PDE4DIP: variants seen among roughly 807,000 people sequenced by gnomAD.
The protein encoded by PDE4DIP is myomegalin.
Under a neutral mutation model 221.4 loss-of-function variants are expected in PDE4DIP, and 59 were observed. That is an observed-to-expected ratio of 0.27 (90% CI 0.22 to 0.33). PDE4DIP has a LOEUF of 0.33. Among genes scored for constraint, PDE4DIP ranks in the 10% least tolerant of loss-of-function variants. The pLI is 1.00. For synonymous variants in PDE4DIP, 404 were observed against 815.9 expected (o/e 0.50, Z 8.60); for missense variants, 1,036 against 2,154.2 (o/e 0.48, Z 10.28).
chr1:148,879,384 CTT>C (rs1238703992), intron 3 of PDE4DIP, among the ~76,000 whole-genome samples: 1 of 62,046 alleles, frequency 1.6e-5, no homozygotes, highest in East Asian at 3.4e-4. Flanking sequence ...CACTGGCAAA[CTT>C]TGTATTTTTT....
At chr1:148,948,861 T>C (rs2052455386) in intron 5 of PDE4DIP, among the ~76,000 whole-genome samples, 1 of 152,104 alleles carries the variant, frequency 6.6e-6, no homozygotes, top group Non-Finnish European at 1.5e-5. Flanking sequence ...GTTCAACCAC[T>C]TCCTGACTTA....
intron 19 of PDE4DIP, among the ~76,000 whole-genome samples, chr1:148,979,477 T>C (rs1257409297): frequency 3.9e-5 from 6 of 152,244 alleles, no homozygotes; most frequent in Non-Finnish European, 7.3e-5. Flanking sequence ...TACTCCTTTT[T>C]CTTAGCTGCT....
chr1:148,988,248 T>G (rs1378202484), intron 21 of PDE4DIP, among the ~76,000 whole-genome samples: 1 of 151,332 alleles, frequency 6.6e-6, no homozygotes, highest in Non-Finnish European at 1.5e-5. Context: ...AGTCTTCAAC[T>G]TATAAGCCCA....
intron 5 of PDE4DIP, among the ~76,000 whole-genome samples, chr1:148,940,567 C>T (rs1425595417): frequency 6.6e-6 from 1 of 151,598 alleles, no homozygotes; most frequent in African/African-American, 2.4e-5. Flanking sequence ...GAGGCAATTG[C>T]TTATGGCCAC....
intron 5 of PDE4DIP, among the ~76,000 whole-genome samples, chr1:148,940,462 G>A (rs2050270843): frequency 6.6e-6 from 1 of 151,874 alleles, no homozygotes; most frequent in South Asian, 2.1e-4. Flanking sequence ...ATAAGACAAT[G>A]TTTCCTACCC....
exon 12 of PDE4DIP, chr1:148,966,941 C>T (rs199736417): frequency 1.7e-5 from 28 of 1,612,206 alleles, no homozygotes; most frequent in Admixed American, 5.0e-5. Flanking sequence ...AGAGAGACTG[C>T]GCGATGTCCT....
exon 27 of PDE4DIP, chr1:149,005,168 C>G (rs1553593548): frequency 3.7e-6 from 6 of 1,614,004 alleles, no homozygotes; most frequent in Non-Finnish European, 5.1e-6. Context: ...TCCGGTCCCT[C>G]TCAGTTACAA....
intron 4 of PDE4DIP, 74 bp from the exon 8 acceptor site, chr1:148,937,673 G>T: frequency 1.4e-6 from 1 of 712,920 alleles, no homozygotes. Context: ...TGCTATCTTT[G>T]GAATGGGCTG....
At chr1:149,021,354 G>A (rs1433728890) in intron 37 of PDE4DIP, 12 of 550,132 alleles carry the variant, frequency 2.2e-5, no homozygotes, top group African/African-American at 1.3e-4. Context: ...GCAAGATCCG[G>A]CCTGATCATT....
At chr1:148,899,154 G>T (rs1158716533) in intron 1 of PDE4DIP, among the ~76,000 whole-genome samples, 1 of 120,500 alleles carries the variant, frequency 8.3e-6, no homozygotes, top group African/African-American at 3.5e-5. Flanking sequence ...TCAAACAGAA[G>T]AAACAATATA....
rs148545794 is a variant in PDE4DIP, at chr1:148,932,234, C to G, written c.464C>G (p.Pro155Arg). ...GTCACCAAAAACTGGGAAGATGTAC[C>G]AGGAGACCAGGTCAAGCCCGACCAA... The change falls in exon 4 of 44, where the codon CCA becomes CGA. Residue 155 changes from proline to arginine, a missense_variant. Physicochemically the swap from Pro to Arg is moderately radical, Grantham distance 103. Transcript: ENST00000369354. 7 of 769,054 alleles carry G rather than the reference C, an allele frequency of 9.1e-6. No homozygotes were observed. Among genetic ancestry groups the G allele is most frequent in the South Asian group, 1.9e-5 (1 of 52,438 alleles). The allele number at this position is 769,054 out of a possible 1,614,324, so 47.6% of individuals were successfully genotyped here.
At chr1:149,006,977 C>T (rs1273279390) in intron 27 of PDE4DIP, among the ~76,000 whole-genome samples, 5 of 135,140 alleles carry the variant, frequency 3.7e-5, no homozygotes, top group African/African-American at 1.4e-4. Context: ...GCTGGGATTA[C>T]AGGCGTGAGC....
rs1346635398 is a variant in PDE4DIP at position 148,969,035 on chromosome 1, G to C, written c.1980+5G>C. 2 of 1,600,556 alleles carry C rather than the reference G, an allele frequency of 1.2e-6. No individual in the cohort carries two copies. Among genetic ancestry groups the C allele is most frequent in the Non-Finnish European group, 1.7e-6 (2 of 1,167,792 alleles). On this transcript the variant is annotated splice_donor_5th_base_variant and intron_variant, in intron 14 of 43. Coordinates refer to ENST00000369354, the Ensembl canonical transcript of PDE4DIP. ...ACCAGGGAGCAGGAAAGCCAAGTAA[G>C]GATTAATGCACAGATCAGACAAGTG...
At position 149,024,466 on chromosome 1, in the gene PDE4DIP, AC is replaced by A. The variant is rs782803130; in HGVS notation, c.6109del (p.Gln2037LysfsTer4). On this transcript the variant is annotated frameshift_variant, in exon 38 of 44. Transcript: ENST00000369354. LOFTEE classifies it high-confidence loss of function. ...TCAGCTTACAGCCTGGATGCCTGTC[AC>A]CAAATCCCTTTGAGCAGTGACCTGA... is the stretch of plus-strand genomic sequence containing the variant. 6.6e-7 allele frequency: 1 copy of A among 1,507,768 alleles called. No homozygotes were observed. The highest frequency in any genetic ancestry group is 8.9e-7 in the Non-Finnish European group (1 of 1,119,674). The allele number at this position is 1,507,768 out of a possible 1,614,324, so 93.4% of individuals were successfully genotyped here.
intron 5 of PDE4DIP, among the ~76,000 whole-genome samples, chr1:148,945,422 C>CT (rs1365881838): frequency 6.7e-6 from 1 of 148,576 alleles, no homozygotes; most frequent in African/African-American, 2.4e-5. Context: ...GGAGATCAGT[C>CT]TTTCCTACGG....
chr1:148,953,654 C>A (rs587738990), intron 5 of PDE4DIP: 1 of 1,447,732 alleles, frequency 6.9e-7, no homozygotes, highest in Non-Finnish European at 9.7e-7. Flanking sequence ...GGAATTAGCT[C>A]TTAGCATGAT....
At chr1:148,985,863 T>G (rs1481452147) in intron 21 of PDE4DIP, 1 of 152,198 alleles carries the variant, frequency 6.6e-6, no homozygotes, top group Non-Finnish European at 1.5e-5. Context: ...TTTAAGTACA[T>G]AAACCATATT....
intron 41 of PDE4DIP, among the ~76,000 whole-genome samples, chr1:149,029,074 C>T (rs1308001330): frequency 2.6e-5 from 4 of 152,222 alleles, no homozygotes; most frequent in African/African-American, 9.7e-5. Context: ...TCTCCCACCC[C>T]TCAGGTCCCA....
At chr1:148,938,735 G>T (rs1239049262) in intron 5 of PDE4DIP, among the ~76,000 whole-genome samples, 1 of 151,070 alleles carries the variant, frequency 6.6e-6, no homozygotes, top group Non-Finnish European at 1.5e-5. Flanking sequence ...AGTTGAAATG[G>T]TGATTACTAT....
Sources: allele counts gnomAD v4.1 joint callset (sites outside exome capture counted in the v4.1 genomes callset), GRCh38; gene constraint gnomAD v4.1.1; transcripts MANE v1.5; gene names NCBI Gene and HGNC (gene_info 2026-07-23, HGNC 2026-07-21).